Variants in LSS observed in about 807,000 individuals in gnomAD.
LSS encodes 2,3-epoxysqualene-lanosterol cyclase.
Under a neutral mutation model 110.3 loss-of-function variants are expected in LSS, and 90 were observed. The ratio of observed to expected loss-of-function variants is 0.82; its 90% CI spans 0.69 to 0.97. The LOEUF (loss-of-function observed/expected upper bound fraction) is 0.97. Ranked by LOEUF, LSS falls within the 50% of genes least tolerant of loss-of-function variation. LSS has a pLI of 0.00. For synonymous variants in LSS, 433 were observed against 400.0 expected (o/e 1.08, Z -0.98); for missense variants, 927 against 990.0 (o/e 0.94, Z 0.85).
At chr21:46,227,722 T>C (rs1327196250) in intron 2 of LSS, 32 bp from the exon 3 acceptor site, 2 of 1,606,006 alleles carry the variant, frequency 1.2e-6, no homozygotes, top group African/African-American at 2.7e-5. Context: ...AAAAAAGAGA[T>C]AGCTGACGGG....
chr21:46,212,617 G>A (rs1001533782), intron 11 of LSS, among the ~76,000 whole-genome samples: 7 of 152,182 alleles, frequency 4.6e-5, no homozygotes, highest in African/African-American at 7.2e-5. Context: ...ACGCCACCAC[G>A]GTCCTCCAGG....
intron 7 of LSS, 100 bp from the exon 8 acceptor site, chr21:46,215,893 G>C: frequency 1.3e-6 from 1 of 749,880 alleles, no homozygotes; most frequent in Non-Finnish European, 2.2e-6. Flanking sequence ...TCAGGGCCCT[G>C]GGCCAGTCCC....
Position 46,196,227 on chromosome 21 carries a change from G to A in LSS, c.1711C>T (p.Gln571Ter). ...CCTTCCCAGGAGCCATCGGCCCTCT[G>A]CTGCCGCCGACAGAACTCTAAGCCC... ...TQGLEFCRRQ[Q>*]RADGSWEGSW... Residue 571 changes from glutamine to a stop codon, truncating the protein, a stop_gained, in exon 18 of 22, where the codon CAG (glutamine) becomes TAG (stop). Coordinates refer to ENST00000397728, the MANE Select transcript of LSS (RefSeq NM_002340.6). LOFTEE classifies it high-confidence loss of function. The A allele has an allele frequency of 6.2e-7, 1 of 1,614,130 alleles. No homozygotes were observed. Among genetic ancestry groups the A allele is most frequent in the Non-Finnish European group, 8.5e-7 (1 of 1,180,034 alleles).
intron 17 of LSS, among the ~76,000 whole-genome samples, chr21:46,201,088 A>G (rs554707966): frequency 1.4e-3 from 206 of 142,660 alleles, no homozygotes; most frequent in Middle Eastern, 3.7e-3. Context: ...GTGGGAGGAC[A>G]GGTCATGAAG....
intron 9 of LSS, among the ~76,000 whole-genome samples, chr21:46,214,492 T>C (rs966360948): frequency 1.3e-5 from 2 of 152,140 alleles, no homozygotes; most frequent in Admixed American, 6.5e-5. Context: ...AGATGCAGTG[T>C]CAGGGTGGGA....
intron 5 of LSS, among the ~76,000 whole-genome samples, chr21:46,220,107 C>T (rs1433286613): frequency 6.6e-6 from 1 of 152,226 alleles, no homozygotes; most frequent in South Asian, 2.1e-4. Flanking sequence ...AGAGCCACTT[C>T]AGCAGCAGCA....
At chr21:46,196,400 A>C in intron 17 of LSS, 133 bp from the exon 18 acceptor site, 1 of 724,602 alleles carries the variant, frequency 1.4e-6, no homozygotes, top group East Asian at 2.7e-5. Flanking sequence ...AACAGTTTAC[A>C]CAGACCGATG....
rs1243152884 is a variant in LSS at position 46,191,003 on chromosome 21, GT to G, written c.*100del. 1.4e-6 allele frequency: 2 copies of G among 1,410,520 alleles called. No homozygotes were observed. Among genetic ancestry groups the G allele is most frequent in the Admixed American group, 4.0e-5 (2 of 50,248 alleles). 87.4% of individuals were successfully genotyped at this position (1,410,520 alleles called of 1,614,324 possible). On this transcript the variant is annotated 3_prime_UTR_variant, in exon 22 of 22. Transcript: ENST00000397728. ...ACATCTATGAGATAGAGGTTGAGGG[GT>G]TGGAGCCCAAGACAGGGTTATGGGA...
At chr21:46,210,987 C>T (rs1300519752) in intron 11 of LSS, among the ~76,000 whole-genome samples, 2 of 152,200 alleles carry the variant, frequency 1.3e-5, no homozygotes, top group African/African-American at 2.4e-5. Flanking sequence ...CATGGGCCAC[C>T]AGGCAGGACA....
Position 46,215,254 on chromosome 21 carries a change from G to T in LSS, c.937C>A (p.Gln313Lys). The T allele has an allele frequency of 6.2e-7, 1 of 1,611,006 alleles. No homozygotes were observed. The change falls in exon 9 of 22, where the codon CAG becomes AAG. Residue 313 changes from glutamine to lysine, a missense_variant. Gln to Lys is a moderately conservative substitution (Grantham distance 53, BLOSUM62 1). Transcript: ENST00000397728. The stretch of plus-strand genomic sequence containing the variant: ...TCATACAGCTTCTGCACGGCCCGCT[G>T]CCGCAGGTGGGCACTGTGGTGGTGC... ...YEHHHSAHLRQRAVQKLYEHI... is the reference protein window; with the variant it reads ...YEHHHSAHLRKRAVQKLYEHI...
At chr21:46,227,339 T>C (rs2080352608) in intron 3 of LSS, 1 of 580,950 alleles carries the variant, frequency 1.7e-6, no homozygotes, top group South Asian at 2.5e-5. Context: ...TTGCTTCTCT[T>C]ATCAGAGAGC....
rs35148484 is a variant in LSS at position 46,198,829 on chromosome 21, CAAAAAAAAAAA to C, written c.1671-2573_1671-2563del. ...ACCAAAACAACTGGACATCCACATG[CAAAAAAAAAAA>C]AAAAAAAAAAAATCTAGACACAAAC... On this transcript the variant is annotated intron_variant, in intron 17 of 21. Transcript: ENST00000397728. Among the ~76,000 whole-genome samples the C allele has an allele frequency of 1.6e-4, 12 of 73,456 alleles. No homozygotes were observed. In the East Asian group the frequency reaches 4.0e-3, roughly 25 times the overall value. The allele number at this position is 73,456 out of a possible 152,430, so 48.2% of individuals were successfully genotyped here.
At chr21:46,208,492 C>G (rs1485623590) in intron 13 of LSS, among the ~76,000 whole-genome samples, 191 bp from the exon 14 acceptor site, 1 of 152,228 alleles carries the variant, frequency 6.6e-6, no homozygotes, top group African/African-American at 2.4e-5. Context: ...GCTCACCACC[C>G]ACAGCTGCTG....
In LSS at chr21:46,205,896, A is replaced by G. The variant is rs1178835404; in HGVS notation, c.1610T>C (p.Val537Ala). The G allele has an allele frequency of 1.2e-6, 2 of 1,611,508 alleles. No homozygotes were observed. The highest frequency in any genetic ancestry group is 1.7e-6 in the Non-Finnish European group (2 of 1,179,062). The change falls in exon 17 of 22, where the codon GTG (valine) becomes GCG (alanine). Residue 537 changes from valine to alanine, a missense_variant. Val to Ala is a moderately conservative substitution (Grantham distance 64). Coordinates refer to ENST00000397728, the MANE Select transcript of LSS (RefSeq NM_002340.6). ...GTGGAAATACTTAAGCGCCTGCATC[A>G]CGGCTGAGGTGCACTCCACATAGGT... ...DYTYVECTSA[V>A]MQALKYFHKR...
At position 46,189,946 on chromosome 21, in the gene LSS, C is replaced by T. The variant is rs1191330914; in HGVS notation, c.*1158G>A. 5 of 342,458 alleles carry T rather than the reference C, an allele frequency of 1.5e-5. No individual in the cohort carries two copies. In the East Asian group the frequency reaches 4.1e-4, roughly 28 times the overall value. 21.2% of individuals were successfully genotyped at this position (342,458 alleles called of 1,614,324 possible). A position where few individuals can be genotyped will look rare whatever the true frequency, so the allele number is the denominator to read the frequency against. On this transcript the variant is annotated 3_prime_UTR_variant, in exon 22 of 22. Transcript: ENST00000397728. ...TCCCACCCCAAGCCCTACATCCATG[C>T]AAGCCAGACCAGACTGGGTCAGAGG...
chr21:46,218,524 A>C (rs540356015), intron 6 of LSS, among the ~76,000 whole-genome samples: 57 of 152,042 alleles, frequency 3.7e-4, no homozygotes, highest in African/African-American at 1.1e-3. Flanking sequence ...CTCGGGAGGC[A>C]GAGGCAGGAG....
In LSS at chr21:46,228,731, C is replaced by G; in HGVS notation, c.14+1G>C. 2 of 1,601,578 alleles carry G rather than the reference C, an allele frequency of 1.2e-6. No homozygotes were observed. The highest frequency in any genetic ancestry group is 1.7e-6 in the Non-Finnish European group (2 of 1,179,108). Reference sequence around the variant, plus strand: ...CAGGAGCCCGGGGCGAGGGGACTCACGTGCCCTCCGTCATTGCTGCTGCAG... The same window carrying G: ...CAGGAGCCCGGGGCGAGGGGACTCAGGTGCCCTCCGTCATTGCTGCTGCAG... On this transcript the variant is annotated splice_donor_variant, in intron 1 of 21. Coordinates refer to ENST00000397728, the MANE Select transcript of LSS (RefSeq NM_002340.6). LOFTEE classifies it high-confidence loss of function.
intron 5 of LSS, among the ~76,000 whole-genome samples, chr21:46,221,436 C>A (rs1296110809): frequency 1.3e-5 from 2 of 152,144 alleles, no homozygotes; most frequent in Non-Finnish European, 2.9e-5. Flanking sequence ...CTCATTGCAA[C>A]CCAGAACTCC....
At chr21:46,227,339 T>G in intron 3 of LSS, 1 of 581,068 alleles carries the variant, frequency 1.7e-6, no homozygotes, top group Non-Finnish European at 3.0e-6. Context: ...TTGCTTCTCT[T>G]ATCAGAGAGC....
Sources: gnomAD v4.1 joint callset for allele counts (sites outside exome capture counted in the v4.1 genomes callset) on GRCh38, gnomAD v4.1.1 for gene constraint, MANE v1.5 for transcripts, NCBI Gene and HGNC (gene_info 2026-07-23, HGNC 2026-07-21) for gene names.